Variants in COL6A1 observed in about 807,000 individuals in gnomAD.
COL6A1 encodes collagen alpha-1(VI) chain.
In COL6A1, 80 loss-of-function variants were observed where a neutral mutation model predicts 145.6. The ratio of observed to expected loss-of-function variants is 0.55; its 90% CI spans 0.46 to 0.66. The LOEUF (loss-of-function observed/expected upper bound fraction) is 0.66. Among genes scored for constraint, COL6A1 ranks in the 30% least tolerant of loss-of-function variants. The pLI, the probability that COL6A1 is intolerant of heterozygous loss-of-function variation, is 0.00. For synonymous variants in COL6A1, 638 were observed against 622.8 expected (o/e 1.02, Z -0.36); for missense variants, 1,364 against 1,473.8 (o/e 0.93, Z 1.22).
chr21:45,991,523 T>C (rs1232039936), intron 15 of COL6A1, among the ~76,000 whole-genome samples: 3 of 152,176 alleles, frequency 2.0e-5, no homozygotes, highest in Non-Finnish European at 1.5e-5. Flanking sequence ...AAGGAGCTTT[T>C]TCGTCTGACA....
chr21:46,003,552 G>A lies in COL6A1; in HGVS notation c.2626G>A (p.Val876Met), dbSNP rs573185206. 8 of 1,612,462 alleles carry A rather than the reference G, an allele frequency of 5.0e-6. No homozygotes were observed. In the African/African-American group the frequency reaches 6.7e-5, roughly 13 times the overall value. ...CGCCCACGACGTGCGGGTGGCGGTGGTGCAGTACAGCGGCACGGGCCAGCA... is the reference window on the plus strand; with the variant it reads ...CGCCCACGACGTGCGGGTGGCGGTGATGCAGTACAGCGGCACGGGCCAGCA... ...DPAHDVRVAV[V>M]QYSGTGQQRP... Residue 876 changes from valine (V) to methionine (M), a missense_variant, in exon 35 of 35, where the codon GTG becomes ATG. Val to Met is a conservative substitution (Grantham distance 21). Around this residue, in one of 3 missense-constraint regions of COL6A1, gnomAD observed 938 missense variants for 1,003.8 expected, o/e 0.93. Transcript: ENST00000361866.
chr21:45,986,839 G>GCCCC, intron 4 of COL6A1, 105 bp from the exon 5 acceptor site: 2 of 1,526,622 alleles, frequency 1.3e-6, no homozygotes, highest in Non-Finnish European at 1.8e-6. Flanking sequence ...TCCTGCTGAG[G>GCCCC]AGCCTGGAGC....
At chr21:45,996,767 C>A (rs114175056) in intron 20 of COL6A1, among the ~76,000 whole-genome samples, 2,638 of 152,238 alleles carry the variant, frequency 0.017, 79 homozygotes, top group African/African-American at 0.06. Flanking sequence ...GAGTTGTCCA[C>A]GGAGCAGGCC....
intron 19 of COL6A1, 87 bp downstream of exon 19, chr21:45,992,897 C>A: frequency 1.6e-6 from 2 of 1,238,574 alleles, no homozygotes; most frequent in Non-Finnish European, 2.3e-6. Flanking sequence ...AGCCACAGGA[C>A]ACATCATGAA....
At position 45,999,662 on chromosome 21, in the gene COL6A1, C is replaced by A; in HGVS notation, c.1746C>A (p.Pro582=). The A allele has an allele frequency of 6.2e-7, 1 of 1,613,482 alleles. No homozygotes were observed. Among genetic ancestry groups the A allele is most frequent in the Non-Finnish European group, 8.5e-7 (1 of 1,179,936 alleles). Residue 582 remains proline, a synonymous_variant, in exon 27 of 35, where the codon CCC becomes CCA. Coordinates refer to ENST00000361866, the MANE Select transcript of COL6A1 (RefSeq NM_001848.3). ...GYRGPEGPQG[P]PGHQGPPGPD... ...CTACTCCGTTTCTCGGACAGGGACC[C>A]CCAGGACACCAAGGACCGCCTGGGC...
intron 1 of COL6A1, 92 bp downstream of exon 1, chr21:45,982,039 C>A: frequency 9.5e-7 from 1 of 1,049,846 alleles, no homozygotes; most frequent in Non-Finnish European, 1.4e-6. Flanking sequence ...ACGCGTGGAA[C>A]TGCAGACTGG....
At chr21:45,982,280 G>GC in intron 1 of COL6A1, among the ~76,000 whole-genome samples, 1 of 101,668 alleles carries the variant, frequency 9.8e-6, no homozygotes, top group Admixed American at 1.2e-4. Flanking sequence ...CCAGACGCAC[G>GC]GCCCCCCCGA....
Position 45,994,174 on chromosome 21 carries a change from C to T in COL6A1, c.1343C>T (p.Ala448Val). The stretch of plus-strand genomic sequence containing the variant: ...CGGCTCGTTTCTCTTCAGGGTGAAG[C>T]TGGCCCGCAGGGTGATCAGGGAAGA... The part of the protein sequence containing the change: ...TRGPRGDPGE[A>V]GPQGDQGREG... The change falls in exon 20 of 35, where the codon GCT (alanine) becomes GTT (valine). Residue 448 changes from alanine to valine, a missense_variant. Around this residue, in one of 3 missense-constraint regions of COL6A1, gnomAD observed 938 missense variants for 1,003.8 expected, o/e 0.93. Transcript: ENST00000361866. The surrounding 1 kb of genome is among the most constrained non-coding windows in gnomAD (Gnocchi z 6.8). The T allele has an allele frequency of 6.2e-7, 1 of 1,602,312 alleles. No individual in the cohort carries two copies. The highest frequency in any genetic ancestry group is 8.5e-7 in the Non-Finnish European group (1 of 1,175,586).
chr21:45,992,235 A>AC lies in COL6A1; in HGVS notation c.1236+19dup. 6.2e-7 allele frequency: 1 copy of AC among 1,613,582 alleles called. No homozygotes were observed. The highest frequency in any genetic ancestry group is 8.5e-7 in the Non-Finnish European group (1 of 1,179,942). On this transcript the variant is annotated intron_variant, in intron 17 of 34. Coordinates refer to ENST00000361866, the MANE Select transcript of COL6A1 (RefSeq NM_001848.3). ...GCGACGAGGTGAGTGAGGGCTCCTGACACCTTCCTGGGGAAGTGCATGGCC... is the reference window on the plus strand; with the variant it reads ...GCGACGAGGTGAGTGAGGGCTCCTGACCACCTTCCTGGGGAAGTGCATGGCC...
chr21:45,997,961 C>G (rs2077815886), intron 22 of COL6A1, among the ~76,000 whole-genome samples, 160 bp from the exon 23 acceptor site: 1 of 152,168 alleles, frequency 6.6e-6, no homozygotes. Flanking sequence ...AGATCCGGGT[C>G]CCAGGGTCCA....
At chr21:45,990,031 CGGGGGTCCCCCGGGCGGTT>C (rs2077765327) in intron 11 of COL6A1, among the ~76,000 whole-genome samples, 3 of 10,970 alleles carry the variant, frequency 2.7e-4, no homozygotes, top group Non-Finnish European at 4.2e-4. Context: ...TCTGCGGAGC[CGGGGGTCCCCCGGGCGGTT>C]ACCCTCTGCG....
chr21:45,984,208 G>T lies in COL6A1; in HGVS notation c.228-61G>T, dbSNP rs1177773260. 16 of 1,501,978 alleles carry T rather than the reference G, an allele frequency of 1.1e-5. No individual in the cohort carries two copies. The East Asian group carries it at 3.2e-4, about 30-fold the overall frequency. 93.0% of individuals were successfully genotyped at this position (1,501,978 alleles called of 1,614,324 possible). A position where few individuals can be genotyped will look rare whatever the true frequency, so the allele number is the denominator to read the frequency against. On this transcript the variant is annotated intron_variant, in intron 2 of 34. Coordinates refer to ENST00000361866, the MANE Select transcript of COL6A1 (RefSeq NM_001848.3). ...CCATCTGGGTGACGTCGCGCCCTGG[G>T]ACGGGTAGCGATGGCGCCAGGGGCC...
chr21:45,984,612 T>A, intron 3 of COL6A1, 143 bp downstream of exon 3: 1 of 737,548 alleles, frequency 1.4e-6, no homozygotes, highest in Non-Finnish European at 2.3e-6. Context: ...TGACCCACTT[T>A]GTGGGCAGGA....
In COL6A1 at chr21:46,002,260, G is replaced by C. The variant is rs760649238; in HGVS notation, c.2109G>C (p.Thr703=). 9 of 1,602,038 alleles carry C rather than the reference G, an allele frequency of 5.6e-6. No individual in the cohort carries two copies. The highest frequency in any genetic ancestry group is 7.6e-6 in the Non-Finnish European group (9 of 1,177,176). The part of the protein sequence containing the change: ...SLQWMAGGTF[T]GEALQYTRDQ... ...AGTGGATGGCGGGCGGCACCTTCACGGGGGAGGCCCTGCAGTACACGCGGG... is the reference window on the plus strand; with the variant it reads ...AGTGGATGGCGGGCGGCACCTTCACCGGGGAGGCCCTGCAGTACACGCGGG... The change falls in exon 32 of 35, where the codon ACG becomes ACC. Residue 703 remains threonine, a synonymous_variant. Coordinates refer to ENST00000361866, the MANE Select transcript of COL6A1 (RefSeq NM_001848.3).
rs201511916 is a variant in COL6A1, at chr21:45,990,819, G to A, written c.1049G>A (p.Gly350Glu). 5.0e-6 allele frequency: 8 copies of A among 1,613,424 alleles called. No homozygotes were observed. The highest frequency in any genetic ancestry group is 8.5e-7 in the Non-Finnish European group (1 of 1,179,988). The change falls in exon 14 of 35, where the codon GGG becomes GAG. Residue 350 changes from glycine (G) to glutamate (E), a missense_variant. Physicochemically the swap from Gly to Glu is moderately conservative, Grantham distance 98 (BLOSUM62 -2). Around this residue, in one of 3 missense-constraint regions of COL6A1, gnomAD observed 938 missense variants for 1,003.8 expected, o/e 0.93. Transcript: ENST00000361866. ...PGLPGCKGSP[G>E]FDGIQGPPGP... ...CTGCCAGGCTGCAAGGGCTCGCCCG[G>A]GTTTGACGTAAGTCACTTCCTCTCA...
At chr21:45,999,775 C>T in intron 27 of COL6A1, 83 bp downstream of exon 27, 2 of 1,394,178 alleles carry the variant, frequency 1.4e-6, no homozygotes, top group Non-Finnish European at 2.0e-6. Context: ...CATGGGTGCT[C>T]CTGTAGACGC....
chr21:45,983,234 G>A (rs1330487155), intron 2 of COL6A1, among the ~76,000 whole-genome samples: 1 of 152,156 alleles, frequency 6.6e-6, no homozygotes, highest in Non-Finnish European at 1.5e-5. Flanking sequence ...TCCCCGACTC[G>A]GGAGCCAGGA....
At chr21:45,999,788 CT>C in intron 27 of COL6A1, 96 bp downstream of exon 27, 1 of 965,898 alleles carries the variant, frequency 1.0e-6, no homozygotes, top group Non-Finnish European at 1.5e-6. Context: ...GTAGACGCTG[CT>C]CACGGGGGGG....
intron 16 of COL6A1, 23 bp from the exon 17 acceptor site, chr21:45,992,141 C>T (rs754893048): frequency 6.2e-7 from 1 of 1,613,668 alleles, no homozygotes; most frequent in Non-Finnish European, 8.5e-7. Context: ...ATGGAGCGAC[C>T]ATTCAACCCT....
Sources: allele counts gnomAD v4.1 joint callset (sites outside exome capture counted in the v4.1 genomes callset), GRCh38; gene constraint gnomAD v4.1.1; regional missense constraint gnomAD v4.1.1; non-coding constraint Gnocchi (gnomAD v3.1); transcripts MANE v1.5; gene names NCBI Gene and HGNC (gene_info 2026-07-23, HGNC 2026-07-21).